The following DGLUCY variants were observed in gnomAD, a reference collection of about 807,000 sequenced individuals.
DGLUCY encodes the protein D-glutamate cyclase, mitochondrial.
In DGLUCY, 58 loss-of-function variants were observed where a neutral mutation model predicts 58.5. The observed-to-expected ratio is 0.99, with a 90% confidence interval of 0.80 to 1.23. The LOEUF is 1.23. Ranked by LOEUF, DGLUCY falls within the 50% of genes most tolerant of loss-of-function variation. DGLUCY has a pLI of 0.00. For synonymous variants in DGLUCY, 325 were observed against 314.1 expected, an observed-to-expected ratio of 1.03 and a Z score of -0.37; for missense variants, 779 against 784.7, an observed-to-expected ratio of 0.99 and a Z score of 0.09.
At position 91,161,105 on chromosome 14, in the gene DGLUCY, G is replaced by A. The variant is rs149244823; in HGVS notation, c.103+708G>A. The stretch of plus-strand genomic sequence containing the variant: ...TGTTGAGACGTAGTCTCGCTCTGTC[G>A]CCCAGGCTGGAGTGCAGTGATGCGA... On this transcript the variant is annotated intron_variant, in intron 3 of 13. Coordinates refer to ENST00000256324, the MANE Select transcript of DGLUCY (RefSeq NM_001102368.3). 8.1e-4 allele frequency among the ~76,000 whole-genome samples: 124 copies of A among 152,286 alleles called. 1 individual carries two copies. The East Asian group carries it at 0.01, about 12-fold the overall frequency.
At chr14:91,066,603 G>A (rs573032606) in intron 1 of DGLUCY, among the ~76,000 whole-genome samples, 7 of 151,980 alleles carry the variant, frequency 4.6e-5, no homozygotes, top group South Asian at 2.1e-4. Flanking sequence ...AATCCAGCCC[G>A]GGCACATAGC....
At chr14:91,113,327 C>A (rs181549553), upstream of DGLUCY, among the ~76,000 whole-genome samples, 26 of 152,200 alleles carry the variant, frequency 1.7e-4, no homozygotes, top group South Asian at 3.5e-3. Context: ...AAAAGTTATA[C>A]AAGAATTTTC....
At chr14:91,092,102 A>G (rs2044321453) in intron 1 of DGLUCY, among the ~76,000 whole-genome samples, 1 of 152,202 alleles carries the variant, frequency 6.6e-6, no homozygotes, top group African/African-American at 2.4e-5. Flanking sequence ...CCTATGCTTC[A>G]AGCCAGACTC....
intron 1 of DGLUCY, among the ~76,000 whole-genome samples, chr14:91,098,283 C>T (rs939399868): frequency 6.6e-6 from 1 of 151,826 alleles, no homozygotes; most frequent in Admixed American, 6.6e-5. Flanking sequence ...ATGGTGGGAC[C>T]TTATCTCTAA....
rs375074402 is a variant in DGLUCY, at chr14:91,167,363, C to G, written c.242C>G (p.Ala81Gly). ...AAGTGGATGCTGCCCCCTCAAGGTG[C>G]TATCTCAGAGACCAGGTAAAAAGCT... is the stretch of plus-strand genomic sequence containing the variant. The part of the protein sequence containing the change: ...PEKWMLPPQG[A>G]ISETRMGHPQ... Residue 81 changes from alanine to glycine, a missense_variant, in exon 4 of 14, where the codon GCT becomes GGT. Coordinates refer to ENST00000256324, the MANE Select transcript of DGLUCY (RefSeq NM_001102368.3). 4.3e-6 allele frequency: 7 copies of G among 1,614,042 alleles called. No individual in the cohort carries two copies. In the African/African-American group the frequency reaches 9.3e-5, roughly 22 times the overall value.
At chr14:91,115,689 C>T (rs940976692) in intron 1 of DGLUCY, among the ~76,000 whole-genome samples, 1 of 152,176 alleles carries the variant, frequency 6.6e-6, no homozygotes, top group Non-Finnish European at 1.5e-5. Flanking sequence ...GGATTATAGG[C>T]GTGAGCCACC....
chr14:91,194,404 C>T (rs1229856725), intron 9 of DGLUCY, among the ~76,000 whole-genome samples: 1 of 152,144 alleles, frequency 6.6e-6, no homozygotes, highest in African/African-American at 2.4e-5. Context: ...TGTCCCCCAA[C>T]CCCAAATTGC....
chr14:91,154,554 C>T (rs908837505), intron 1 of DGLUCY, among the ~76,000 whole-genome samples: 12 of 152,128 alleles, frequency 7.9e-5, no homozygotes, highest in African/African-American at 2.9e-4. Context: ...CATCTTTTAG[C>T]GATCTTATTT....
chr14:91,083,981 T>C (rs937166165), intron 1 of DGLUCY, among the ~76,000 whole-genome samples: 8 of 152,166 alleles, frequency 5.3e-5, no homozygotes, highest in Non-Finnish European at 7.3e-5. Context: ...TTTTCTTCTT[T>C]GCTGCTGCTG....
chr14:91,069,474 T>C (rs994820452), intron 1 of DGLUCY, among the ~76,000 whole-genome samples: 14 of 151,996 alleles, frequency 9.2e-5, no homozygotes, highest in Non-Finnish European at 1.5e-4. Context: ...GAGACAGGGT[T>C]TCACCATGTT....
chr14:91,179,393 T>A (rs1171539607), intron 7 of DGLUCY, among the ~76,000 whole-genome samples: 1 of 151,712 alleles, frequency 6.6e-6, no homozygotes, highest in Non-Finnish European at 1.5e-5. Flanking sequence ...GAGGCCGCAG[T>A]GAGCTGTGTT....
At chr14:91,134,363 A>T (rs1332750627) in intron 1 of DGLUCY, among the ~76,000 whole-genome samples, 1 of 151,802 alleles carries the variant, frequency 6.6e-6, no homozygotes, top group Non-Finnish European at 1.5e-5. Context: ...ACGATTTCAC[A>T]TATTTTGTTA....
intron 1 of DGLUCY, among the ~76,000 whole-genome samples, chr14:91,120,254 T>C (rs909958540): frequency 6.6e-6 from 1 of 152,176 alleles, no homozygotes; most frequent in African/African-American, 2.4e-5. Flanking sequence ...ATGTCCACCC[T>C]GTCATGGACC....
At chr14:91,195,912 C>T (rs1163745784) in intron 9 of DGLUCY, among the ~76,000 whole-genome samples, 2 of 152,070 alleles carry the variant, frequency 1.3e-5, no homozygotes, top group Non-Finnish European at 2.9e-5. Context: ...CCTCGTGATC[C>T]GCCCACCTTG....
At chr14:91,180,334 G>A (rs796112398) in intron 7 of DGLUCY, among the ~76,000 whole-genome samples, 8 of 152,050 alleles carry the variant, frequency 5.3e-5, no homozygotes, top group African/African-American at 1.9e-4. Flanking sequence ...CACTTTGGGA[G>A]GTCAAGAGGG....
chr14:91,137,144 T>G (rs2046386826), intron 1 of DGLUCY, among the ~76,000 whole-genome samples: 1 of 151,648 alleles, frequency 6.6e-6, no homozygotes, highest in Non-Finnish European at 1.5e-5. Flanking sequence ...GGTTTTTTTT[T>G]TTTTTTCCCG....
At chr14:91,123,345 G>A (rs778705874) in intron 1 of DGLUCY, among the ~76,000 whole-genome samples, 1 of 152,192 alleles carries the variant, frequency 6.6e-6, no homozygotes. Flanking sequence ...CTTGATATTA[G>A]CGCACATCTT....
At chr14:91,178,416 A>G (rs138153867) in intron 7 of DGLUCY, among the ~76,000 whole-genome samples, 53 of 152,244 alleles carry the variant, frequency 3.5e-4, no homozygotes, top group African/African-American at 1.2e-3. Flanking sequence ...CTCCCACCTC[A>G]GCCTCCCAAA....
intron 12 of DGLUCY, among the ~76,000 whole-genome samples, chr14:91,212,198 C>A (rs1444494976): frequency 1.3e-5 from 2 of 152,150 alleles, no homozygotes; most frequent in East Asian, 3.9e-4. Context: ...TTCTGCCCTG[C>A]AAACGACAAT....
Sources: allele counts gnomAD v4.1 joint callset (sites outside exome capture counted in the v4.1 genomes callset), GRCh38; gene constraint gnomAD v4.1.1; transcripts MANE v1.5; gene names NCBI Gene and HGNC (gene_info 2026-07-23, HGNC 2026-07-21).